Variants in RAD51AP2 observed in about 807,000 individuals in gnomAD.
The protein encoded by RAD51AP2 is RAD51 associated protein 2, also known as RAD51-associated protein 2.
A neutral mutation model predicts 85.5 loss-of-function variants in RAD51AP2; 67 were observed. That is an observed-to-expected ratio of 0.78 (90% CI 0.64 to 0.96). The LOEUF (loss-of-function observed/expected upper bound fraction) is 0.96, where lower values mean the gene tolerates loss of function less well. Among genes scored for constraint, RAD51AP2 ranks in the 40% least tolerant of loss-of-function variants. The pLI, the probability that RAD51AP2 is intolerant of heterozygous loss-of-function variation, is 0.00. For synonymous variants in RAD51AP2, 474 were observed against 446.5 expected (o/e 1.06, Z -0.78); for missense variants, 1,307 against 1,332.4 (o/e 0.98, Z 0.30).
Position 17,517,192 on chromosome 2 carries a change from TC to T in RAD51AP2, c.1223del (p.Gly408GlufsTer6). 6.2e-7 allele frequency: 1 copy of T among 1,611,052 alleles called. No homozygotes were observed. The highest frequency in any genetic ancestry group is 1.3e-5 in the African/African-American group (1 of 74,762). On this transcript the variant is annotated frameshift_variant, in exon 1 of 3. Coordinates refer to ENST00000399080, the MANE Select transcript of RAD51AP2 (RefSeq NM_001099218.3). LOFTEE classifies it high-confidence loss of function. Reference protein sequence around the residue: ...NVRHILRRNRGNCWIINNCKT... With the variant: ...NVRHILRRNRXNCWIINNCKT... ...TGCAATTATTTATAATCCAACAATT[TC>T]CTCTATTTCTTCTCAAAATATGTCT...
chr2:17,515,471 C>T lies in RAD51AP2; in HGVS notation c.2945G>A (p.Ser982Asn), dbSNP rs929520932. The T allele has an allele frequency of 7.4e-6, 12 of 1,613,484 alleles. No homozygotes were observed. The highest frequency in any genetic ancestry group is 1.0e-5 in the Non-Finnish European group (12 of 1,179,796). Residue 982 changes from serine (S) to asparagine (N), a missense_variant, in exon 1 of 3, where the codon AGT becomes AAT. By Grantham distance (46) the Ser-to-Asn change is conservative (BLOSUM62 1). Around this residue, in one of 3 missense-constraint regions of RAD51AP2, gnomAD observed 668 missense variants for 671.0 expected, o/e 1.00. Transcript: ENST00000399080. ...LEELRMFHEI[S>N]RENELLSTVE... ...AGTGCTTAGAAGTTCATTTTCCCTACTAATTTCATGAAACATACGAAGTTC... is the reference window on the plus strand; with the variant it reads ...AGTGCTTAGAAGTTCATTTTCCCTATTAATTTCATGAAACATACGAAGTTC...
At chr2:17,537,350 G>A in the RAD51AP2 span, among the ~76,000 whole-genome samples, 2 of 152,112 alleles carry the variant, frequency 1.3e-5, no homozygotes, top group South Asian at 2.1e-4. Flanking sequence ...AAAATCTTAC[G>A]TAATATAATT....
chr2:17,533,097 G>T, the RAD51AP2 span, among the ~76,000 whole-genome samples: 2 of 152,084 alleles, frequency 1.3e-5, no homozygotes, highest in Admixed American at 1.3e-4. Context: ...TACTCTTCTT[G>T]TCTCTTCTCT....
intron 1 of RAD51AP2, among the ~76,000 whole-genome samples, 159 bp downstream of exon 1, chr2:17,515,007 GAAA>G (rs11421369): frequency 7.3e-6 from 1 of 137,878 alleles, no homozygotes; most frequent in African/African-American, 2.7e-5. Context: ...CTTCTTGCTG[GAAA>G]AAAAAAAAAA....
intron 1 of RAD51AP2, among the ~76,000 whole-genome samples, 158 bp from the exon 2 acceptor site, chr2:17,514,250 T>C (rs941292128): frequency 3.3e-5 from 5 of 152,210 alleles, no homozygotes; most frequent in African/African-American, 1.2e-4. Context: ...TAAAATTAAC[T>C]TGTTTCCTTC....
At chr2:17,518,843 C>T (rs780680658), upstream of RAD51AP2, among the ~76,000 whole-genome samples, 32 of 152,166 alleles carry the variant, frequency 2.1e-4, no homozygotes, top group Admixed American at 8.5e-4. Context: ...ATTTTGTTTA[C>T]CTCAGAAACG....
chr2:17,523,621 A>C, the RAD51AP2 span, among the ~76,000 whole-genome samples: 3 of 151,968 alleles, frequency 2.0e-5, no homozygotes, highest in Non-Finnish European at 4.4e-5. Flanking sequence ...ATTTGATGCC[A>C]GGACATATGC....
Position 17,516,030 on chromosome 2 carries a change from C to A in RAD51AP2, c.2386G>T (p.Ala796Ser). ...LCNVRQQAIPASHNIIHNEET... is the reference protein window; with the variant it reads ...LCNVRQQAIPSSHNIIHNEET... ...TCATTATGTATTATGTTGTGGCTTG[C>A]TGGTATGGCCTGTTGCCTAACATTG... The change falls in exon 1 of 3, where the codon GCA becomes TCA. Residue 796 changes from alanine (A) to serine (S), a missense_variant. Around this residue, in one of 3 missense-constraint regions of RAD51AP2, gnomAD observed 668 missense variants for 671.0 expected, o/e 1.00. Coordinates refer to ENST00000399080, the MANE Select transcript of RAD51AP2 (RefSeq NM_001099218.3). 1 of 1,613,786 alleles carries A rather than the reference C, an allele frequency of 6.2e-7. No homozygotes were observed. The highest frequency in any genetic ancestry group is 8.5e-7 in the Non-Finnish European group (1 of 1,179,822).
chr2:17,532,315 A>G, the RAD51AP2 span, among the ~76,000 whole-genome samples: 15 of 152,242 alleles, frequency 9.9e-5, no homozygotes. Context: ...AATCTGTTCC[A>G]TGCCACTTCT....
Position 17,515,181 on chromosome 2 carries a change from T to G in RAD51AP2, c.3235A>C (p.Thr1079Pro). ...SRSEEELLYSTSEKDCETPLP... is the reference protein window; with the variant it reads ...SRSEEELLYSPSEKDCETPLP... ...ATGAATTTCATACCTTTCTCAGAAG[T>G]AGAGTAAAGTAATTCTTCCTCTGAT... The change falls in exon 1 of 3, where the codon ACT becomes CCT. Residue 1079 changes from threonine (T) to proline (P), a missense_variant. Around this residue, in one of 3 missense-constraint regions of RAD51AP2, gnomAD observed 668 missense variants for 671.0 expected, o/e 1.00. Transcript: ENST00000399080. The G allele has an allele frequency of 6.4e-7, 1 of 1,568,642 alleles. No homozygotes were observed. The highest frequency in any genetic ancestry group is 8.6e-7 in the Non-Finnish European group (1 of 1,163,098).
the RAD51AP2 span, among the ~76,000 whole-genome samples, chr2:17,529,864 G>C: frequency 6.6e-6 from 1 of 152,144 alleles, no homozygotes; most frequent in Non-Finnish European, 1.5e-5. Context: ...TTCGTCCTTT[G>C]GGGGTACAAA....
chr2:17,529,346 G>A, the RAD51AP2 span, among the ~76,000 whole-genome samples: 1,902 of 151,762 alleles, frequency 0.013, 54 homozygotes, highest in African/African-American at 0.044. Flanking sequence ...TTCTGTAAGT[G>A]CAGAATTATG....
the RAD51AP2 span, among the ~76,000 whole-genome samples, chr2:17,536,440 C>T: frequency 1.3e-5 from 2 of 152,188 alleles, no homozygotes; most frequent in African/African-American, 2.4e-5. Context: ...AAATTTCCAG[C>T]TTCAGAGCAC....
chr2:17,521,296 T>C (rs763680263), upstream of RAD51AP2, among the ~76,000 whole-genome samples: 12 of 152,142 alleles, frequency 7.9e-5, no homozygotes, highest in Non-Finnish European at 1.3e-4. Flanking sequence ...ATGAAAACTA[T>C]GCTGAGCTAT....
upstream of RAD51AP2, among the ~76,000 whole-genome samples, chr2:17,522,478 G>C (rs1328994346): frequency 6.6e-6 from 1 of 151,614 alleles, no homozygotes; most frequent in Non-Finnish European, 1.5e-5. Context: ...GCATTATTAT[G>C]TTATTATATT....
At chr2:17,532,307 T>C in the RAD51AP2 span, among the ~76,000 whole-genome samples, 1 of 152,102 alleles carries the variant, frequency 6.6e-6, no homozygotes, top group Non-Finnish European at 1.5e-5. Context: ...TGAGAGAGAA[T>C]CTGTTCCATG....
At chr2:17,530,333 T>C in the RAD51AP2 span, among the ~76,000 whole-genome samples, 2 of 152,132 alleles carry the variant, frequency 1.3e-5, no homozygotes, top group African/African-American at 4.8e-5. Context: ...TAAAGCTTTC[T>C]GTAATTAGTT....
At chr2:17,524,623 T>C in the RAD51AP2 span, among the ~76,000 whole-genome samples, 1 of 151,956 alleles carries the variant, frequency 6.6e-6, no homozygotes, top group East Asian at 1.9e-4. Context: ...ATTGCATACT[T>C]ATAAAATTAT....
chr2:17,533,497 T>C, the RAD51AP2 span, among the ~76,000 whole-genome samples: 545 of 152,352 alleles, frequency 3.6e-3, 3 homozygotes, highest in African/African-American at 0.013. Context: ...CCATTTCCAC[T>C]GCCACTTTTC....
Sources: gnomAD v4.1 joint callset for allele counts (sites outside exome capture counted in the v4.1 genomes callset) on GRCh38, gnomAD v4.1.1 for gene constraint, gnomAD v4.1.1 regional missense constraint, MANE v1.5 for transcripts, NCBI Gene and HGNC (gene_info 2026-07-23, HGNC 2026-07-21) for gene names.